The following DENND10 variants were observed in gnomAD, a reference collection of about 807,000 sequenced individuals.
DENND10 encodes DENN domain containing 10.
DENND10 carries 24 observed loss-of-function variants against 43.6 expected under a neutral mutation model. That is an observed-to-expected ratio of 0.55 (90% CI 0.40 to 0.77). The LOEUF (loss-of-function observed/expected upper bound fraction) is 0.77, where lower values mean the gene tolerates loss of function less well. Ranked by LOEUF, DENND10 falls within the 30% of genes least tolerant of loss-of-function variation. The pLI is 0.00. For synonymous variants in DENND10, 125 were observed against 157.6 expected (o/e 0.79, Z 1.55); for missense variants, 303 against 429.9 (o/e 0.70, Z 2.61).
Position 119,136,473 on chromosome 10 carries a change from T to C in DENND10, c.900T>C (p.Asp300=). ...TATATTTTCCTGTTCTATTAAAGGA[T>C]ATTGCTCTAAAAACAAGAGAAATCT... is the stretch of plus-strand genomic sequence containing the variant. ...PEKSESHVIQ[D]IALKTREIFT... The change falls in exon 9 of 9, where the codon GAT becomes GAC. Residue 300 remains aspartate (D), a splice_region_variant and synonymous_variant. Coordinates refer to ENST00000361432, the MANE Select transcript of DENND10 (RefSeq NM_207009.4). The C allele has an allele frequency of 6.2e-7, 1 of 1,602,560 alleles. No homozygotes were observed. Among genetic ancestry groups the C allele is most frequent in the Non-Finnish European group, 8.5e-7 (1 of 1,177,276 alleles).
At chr10:119,107,564 C>T (rs947913714) in intron 1 of DENND10, among the ~76,000 whole-genome samples, 19 of 151,984 alleles carry the variant, frequency 1.3e-4, no homozygotes, top group South Asian at 6.2e-4. Context: ...CCACCACACC[C>T]GGATAATTTT....
intron 6 of DENND10, among the ~76,000 whole-genome samples, chr10:119,128,354 A>C: frequency 6.6e-6 from 1 of 152,110 alleles, no homozygotes; most frequent in East Asian, 1.9e-4. Flanking sequence ...TCACGCCTGT[A>C]ATCCCAGCGC....
intron 7 of DENND10, among the ~76,000 whole-genome samples, chr10:119,130,488 G>A (rs1846031001): frequency 6.6e-6 from 1 of 152,148 alleles, no homozygotes; most frequent in Non-Finnish European, 1.5e-5. Flanking sequence ...ACTTGAGACA[G>A]GGTTTCACCA....
intron 3 of DENND10, 118 bp from the exon 4 acceptor site, chr10:119,117,401 A>G (rs551054983): frequency 2.9e-6 from 3 of 1,018,972 alleles, no homozygotes; most frequent in South Asian, 1.7e-5. Context: ...AGCATTCAGA[A>G]GGGCAGTAGC....
intron 2 of DENND10, among the ~76,000 whole-genome samples, chr10:119,109,087 A>G (rs930855160): frequency 6.6e-6 from 1 of 151,344 alleles, no homozygotes; most frequent in African/African-American, 2.4e-5. Flanking sequence ...GTGGTGGCGC[A>G]TGCCTGTAAT....
At chr10:119,124,982 T>G (rs1845760308) in intron 6 of DENND10, among the ~76,000 whole-genome samples, 1 of 152,176 alleles carries the variant, frequency 6.6e-6, no homozygotes, top group African/African-American at 2.4e-5. Flanking sequence ...GTTTTTGTTT[T>G]TTTCTTGGGA....
rs145114302 is a variant in DENND10, at chr10:119,106,296, A to C, written c.56-1672A>C. On this transcript the variant is annotated intron_variant, in intron 1 of 8. Transcript: ENST00000361432. ...TTTCTTTTCCTTTCGGCAGATACCC[A>C]GTAATGGGATTACTGGGTGGAATGG... is the stretch of plus-strand genomic sequence containing the variant. Among the ~76,000 whole-genome samples the C allele has an allele frequency of 3.4e-3, 513 of 152,336 alleles. 3 individuals are homozygous for C. The highest frequency in any genetic ancestry group is 0.012 in the African/African-American group (491 of 41,570).
intron 2 of DENND10, among the ~76,000 whole-genome samples, chr10:119,110,562 A>G (rs547427256): frequency 3.5e-4 from 53 of 152,030 alleles, no homozygotes; most frequent in African/African-American, 1.3e-3. Flanking sequence ...GGTTCAAGCA[A>G]TTCCCTGCCT....
intron 4 of DENND10, among the ~76,000 whole-genome samples, chr10:119,119,125 C>T (rs1487155452): frequency 1.3e-5 from 2 of 152,126 alleles, no homozygotes; most frequent in African/African-American, 4.8e-5. Context: ...GTGCCTCAGC[C>T]TCCCAAGTAG....
intron 6 of DENND10, among the ~76,000 whole-genome samples, chr10:119,126,675 G>A (rs1171457325): frequency 6.6e-6 from 1 of 151,894 alleles, no homozygotes; most frequent in African/African-American, 2.4e-5. Context: ...ATATTGGTCA[G>A]GCTGGTCTCG....
In DENND10 at chr10:119,132,596, G is replaced by A. The variant is rs778987776; in HGVS notation, c.884G>A (p.Ser295Asn). ...GCAGAAGATCCAGAGAAATCAGAGA[G>A]CCACGTTATACAGGTAACTCCCTCA... is the stretch of plus-strand genomic sequence containing the variant. ...QSAEDPEKSE[S>N]HVIQDIALKT... The change falls in exon 8 of 9, where the codon AGC (serine) becomes AAC (asparagine). Residue 295 changes from serine (S) to asparagine (N), a missense_variant. Physicochemically the swap from Ser to Asn is conservative, Grantham distance 46 (BLOSUM62 1). Coordinates refer to ENST00000361432, the MANE Select transcript of DENND10 (RefSeq NM_207009.4). The surrounding 1 kb of genome is among the most constrained non-coding windows in gnomAD (Gnocchi z 4.2). The A allele has an allele frequency of 1.2e-6, 2 of 1,613,834 alleles. No individual in the cohort carries two copies. Among genetic ancestry groups the A allele is most frequent in the East Asian group, 2.2e-5 (1 of 44,896 alleles).
intron 6 of DENND10, 84 bp downstream of exon 6, chr10:119,123,653 A>G (rs1845691421): frequency 9.5e-7 from 1 of 1,053,964 alleles, no homozygotes; most frequent in African/African-American, 1.7e-5. Context: ...CTTGTTGCCC[A>G]GGATGGAGTG....
intron 3 of DENND10, among the ~76,000 whole-genome samples, chr10:119,115,494 TC>T (rs930685777): frequency 2.0e-4 from 21 of 105,046 alleles, no homozygotes; most frequent in Non-Finnish European, 4.0e-4. Flanking sequence ...TTCACGCCAT[TC>T]TCCTGCCTCA....
intron 5 of DENND10, among the ~76,000 whole-genome samples, chr10:119,121,369 G>C (rs12355517): frequency 0.62 from 93,216 of 149,456 alleles, 29,373 homozygotes; most frequent in Middle Eastern, 0.7. Context: ...TGGTCTCGAT[G>C]TCCTAGGCTC....
chr10:119,105,405 G>C (rs1450372013), intron 1 of DENND10: 2 of 311,492 alleles, frequency 6.4e-6, no homozygotes, highest in Non-Finnish European at 1.1e-5. Context: ...CTCCCGCCTC[G>C]GCCTCCGAGT....
Position 119,132,655 on chromosome 10 carries a change from C to T in DENND10, c.897+46C>T, listed in dbSNP as rs761073034. The T allele has an allele frequency of 1.3e-5, 20 of 1,499,588 alleles. No individual in the cohort carries two copies. In the South Asian group the frequency reaches 1.4e-4, roughly 10 times the overall value. The allele number at this position is 1,499,588 out of a possible 1,614,324, so 92.9% of individuals were successfully genotyped here. A position where few individuals can be genotyped will look rare whatever the true frequency, so the allele number is the denominator to read the frequency against. On this transcript the variant is annotated intron_variant, in intron 8 of 8. Coordinates refer to ENST00000361432, the MANE Select transcript of DENND10 (RefSeq NM_207009.4). The surrounding 1 kb of genome is among the most constrained non-coding windows in gnomAD (Gnocchi z 4.2). ...CTTACTGAAAGTCCTGACCCGGTGT[C>T]GCTGGGTGGTGTGCGGCAGAGCTGT... is the stretch of plus-strand genomic sequence containing the variant.
intron 2 of DENND10, among the ~76,000 whole-genome samples, chr10:119,111,571 T>G (rs935706917): frequency 3.3e-5 from 5 of 152,014 alleles, no homozygotes; most frequent in Non-Finnish European, 5.9e-5. Flanking sequence ...GGACATTAAG[T>G]AGAAATGTAC....
intron 2 of DENND10, among the ~76,000 whole-genome samples, chr10:119,111,350 C>G (rs1263731218): frequency 6.6e-6 from 1 of 150,562 alleles, no homozygotes; most frequent in East Asian, 1.9e-4. Context: ...GGTGGTAGTG[C>G]CTGTAATCCC....
In DENND10 at chr10:119,129,531, T is replaced by A; in HGVS notation, c.711T>A (p.Phe237Leu). Residue 237 changes from phenylalanine to leucine, a missense_variant, in exon 7 of 9, where the codon TTT (phenylalanine) becomes TTA (leucine). Physicochemically the swap from Phe to Leu is conservative, Grantham distance 22. Transcript: ENST00000361432. ...GTGATGCAGGTTACGTCGCTGGATT[T>A]GTAGACTTGGAGGTGAGCAACAGAC... ...LQMCTGYVAG[F>L]VDLEVSNRPD... The A allele has an allele frequency of 6.2e-7, 1 of 1,613,254 alleles. No individual in the cohort carries two copies. Among genetic ancestry groups the A allele is most frequent in the Non-Finnish European group, 8.5e-7 (1 of 1,179,194 alleles).
Sources: gnomAD v4.1 joint callset for allele counts (sites outside exome capture counted in the v4.1 genomes callset) on GRCh38, gnomAD v4.1.1 for gene constraint, Gnocchi (gnomAD v3.1) non-coding constraint, MANE v1.5 for transcripts, NCBI Gene and HGNC (gene_info 2026-07-23, HGNC 2026-07-21) for gene names.